DENND1A: variants seen among roughly 807,000 people sequenced by gnomAD.
DENND1A encodes DENN domain containing 1A.
Under a neutral mutation model 113.7 loss-of-function variants are expected in DENND1A, and 51 were observed. That is an observed-to-expected ratio of 0.45 (90% CI 0.36 to 0.57). The LOEUF (loss-of-function observed/expected upper bound fraction) is 0.57. DENND1A is among the 20% of genes least tolerant of loss of function. DENND1A has a pLI of 0.00. For missense variants in DENND1A, 1,258 were observed against 1,395.9 expected (o/e 0.90, Z 1.57); for synonymous variants, 565 against 570.8 (o/e 0.99, Z 0.14).
chr9:123,717,686 G>C (rs564412376), intron 5 of DENND1A, among the ~76,000 whole-genome samples: 12 of 152,218 alleles, frequency 7.9e-5, no homozygotes, highest in Admixed American at 5.9e-4. Flanking sequence ...TTTATATCTT[G>C]TTCACATTTA....
At chr9:123,822,959 C>A (rs1838722258) in intron 2 of DENND1A, among the ~76,000 whole-genome samples, 1 of 152,176 alleles carries the variant, frequency 6.6e-6, no homozygotes, top group African/African-American at 2.4e-5. Flanking sequence ...TGTGTGCTAT[C>A]TAATATACAG....
intron 2 of DENND1A, among the ~76,000 whole-genome samples, chr9:123,860,948 G>A (rs1040785574): frequency 6.6e-6 from 1 of 152,160 alleles, no homozygotes; most frequent in African/African-American, 2.4e-5. Flanking sequence ...TTTAGTAAAG[G>A]CTGCAATTAA....
chr9:123,402,242 G>GCACACACA (rs60657662), intron 21 of DENND1A, among the ~76,000 whole-genome samples: 3 of 128,022 alleles, frequency 2.3e-5, no homozygotes, highest in Non-Finnish European at 3.6e-5. Flanking sequence ...GCGCACACGT[G>GCACACACA]CACACACACA....
chr9:123,416,380 C>T (rs535394981), intron 19 of DENND1A, among the ~76,000 whole-genome samples: 1 of 152,198 alleles, frequency 6.6e-6, no homozygotes, highest in Non-Finnish European at 1.5e-5. Flanking sequence ...TGTTGGTTGT[C>T]ATCGGGAAGG....
chr9:123,867,338 AC>A (rs1483923098), intron 2 of DENND1A, among the ~76,000 whole-genome samples: 1 of 152,180 alleles, frequency 6.6e-6, no homozygotes, highest in African/African-American at 2.4e-5. Context: ...AGAGTCTAGC[AC>A]AGTCTAAAGT....
chr9:123,603,565 C>T (rs1405388883), intron 11 of DENND1A, among the ~76,000 whole-genome samples: 1 of 152,188 alleles, frequency 6.6e-6, no homozygotes, highest in African/African-American at 2.4e-5. Context: ...ATGCCAGGAG[C>T]TCCCCATGCA....
At chr9:123,512,100 A>T (rs1398902222) in intron 13 of DENND1A, among the ~76,000 whole-genome samples, 1 of 152,330 alleles carries the variant, frequency 6.6e-6, no homozygotes, top group African/African-American at 2.4e-5. Context: ...CAAAAAGGCA[A>T]ACAGGTGATC....
intron 10 of DENND1A, among the ~76,000 whole-genome samples, chr9:123,619,754 T>G (rs186190888): frequency 1.3e-5 from 2 of 152,246 alleles, no homozygotes; most frequent in African/African-American, 2.4e-5. Flanking sequence ...AATTTTGTGG[T>G]ATGTGGATTA....
intron 13 of DENND1A, among the ~76,000 whole-genome samples, chr9:123,516,038 C>A (rs2053862785): frequency 6.6e-6 from 1 of 151,978 alleles, no homozygotes; most frequent in Admixed American, 6.6e-5. Context: ...TGTGCCACTG[C>A]ACTCCAGCCT....
At chr9:123,521,375 T>C (rs932001899) in intron 13 of DENND1A, among the ~76,000 whole-genome samples, 2 of 152,176 alleles carry the variant, frequency 1.3e-5, no homozygotes, top group African/African-American at 4.8e-5. Context: ...ATTTGGATTT[T>C]TATCTTGGCT....
intron 10 of DENND1A, among the ~76,000 whole-genome samples, chr9:123,611,324 C>T (rs1476137329): frequency 6.6e-6 from 1 of 152,190 alleles, no homozygotes; most frequent in African/African-American, 2.4e-5. Context: ...GCTCAAACTT[C>T]CCAGTGTGCC....
At chr9:123,778,012 T>G (rs1307436112) in intron 3 of DENND1A, among the ~76,000 whole-genome samples, 2 of 151,990 alleles carry the variant, frequency 1.3e-5, no homozygotes, top group Non-Finnish European at 2.9e-5. Flanking sequence ...AAAATTATGC[T>G]CAGAACAGAT....
intron 21 of DENND1A, among the ~76,000 whole-genome samples, chr9:123,395,715 T>C (rs2043091900): frequency 6.6e-6 from 1 of 152,094 alleles, no homozygotes; most frequent in Non-Finnish European, 1.5e-5. Context: ...TCCTGGCTCT[T>C]AGAGGGCTGG....
At chr9:123,641,272 CCTTTAAAATTCTGATT>C (rs924693876) in intron 9 of DENND1A, among the ~76,000 whole-genome samples, 11 of 152,096 alleles carry the variant, frequency 7.2e-5, no homozygotes, top group African/African-American at 2.4e-4. Context: ...TAAATATTAT[CCTTTAAAATTCTGATT>C]CTTTAAAATT....
intron 19 of DENND1A, among the ~76,000 whole-genome samples, chr9:123,433,238 C>T (rs935998477): frequency 2.0e-5 from 3 of 152,210 alleles, no homozygotes; most frequent in African/African-American, 7.2e-5. Context: ...TACTGAAGGT[C>T]ACCAGCTAGT....
At chr9:123,824,806 AG>A (rs1398976129) in intron 2 of DENND1A, among the ~76,000 whole-genome samples, 1 of 152,206 alleles carries the variant, frequency 6.6e-6, no homozygotes, top group African/African-American at 2.4e-5. Context: ...CCTTACTAAA[AG>A]TTTACTGTTT....
intron 5 of DENND1A, among the ~76,000 whole-genome samples, chr9:123,698,246 G>A (rs1351042855): frequency 6.6e-6 from 1 of 152,194 alleles, no homozygotes; most frequent in African/African-American, 2.4e-5. Context: ...TTAAAGATCA[G>A]TGTGTGCTTG....
chr9:123,687,710 T>C (rs1204855761), intron 5 of DENND1A, among the ~76,000 whole-genome samples: 1 of 152,174 alleles, frequency 6.6e-6, no homozygotes, highest in African/African-American at 2.4e-5. Flanking sequence ...TTTCTGAAAA[T>C]GAAACCGAGG....
At chr9:123,853,426 G>C (rs1254064485) in intron 2 of DENND1A, among the ~76,000 whole-genome samples, 1 of 151,756 alleles carries the variant, frequency 6.6e-6, no homozygotes, top group Admixed American at 6.6e-5. Context: ...CACTTTGGGA[G>C]GGTGAGGTAG....
Sources: gnomAD v4.1 joint callset for allele counts (sites outside exome capture counted in the v4.1 genomes callset) on GRCh38, gnomAD v4.1.1 for gene constraint, MANE v1.5 for transcripts, NCBI Gene and HGNC (gene_info 2026-07-23, HGNC 2026-07-21) for gene names.